Variants in LRRC4C observed in about 807,000 individuals in gnomAD.
LRRC4C encodes leucine rich repeat containing 4C.
A neutral mutation model predicts 33.6 loss-of-function variants in LRRC4C; 5 were observed. The ratio of observed to expected loss-of-function variants is 0.15; its 90% CI spans 0.08 to 0.31. LRRC4C has a LOEUF of 0.31. Among genes scored for constraint, LRRC4C ranks in the 10% least tolerant of loss-of-function variants. The pLI is 1.00. For missense variants in LRRC4C, 560 were observed against 796.7 expected (o/e 0.70, Z 3.58); for synonymous variants, 329 against 302.0 (o/e 1.09, Z -0.93).
At chr11:41,210,725 C>T (rs2136313690) in intron 1 of LRRC4C, among the ~76,000 whole-genome samples, 1 of 152,232 alleles carries the variant, frequency 6.6e-6, no homozygotes, top group South Asian at 2.1e-4. Flanking sequence ...AAACAGAAGC[C>T]AAAGAGCTTC....
chr11:40,357,558 C>T (rs529156140), intron 3 of LRRC4C, among the ~76,000 whole-genome samples: 1 of 152,156 alleles, frequency 6.6e-6, no homozygotes, highest in Non-Finnish European at 1.5e-5. Flanking sequence ...GTAGTTGTTG[C>T]TCTTGCTTCT....
chr11:41,116,665 C>T (rs1339200342), intron 1 of LRRC4C, among the ~76,000 whole-genome samples: 2 of 151,982 alleles, frequency 1.3e-5, no homozygotes, highest in African/African-American at 2.4e-5. Context: ...AAGTGAGTTG[C>T]TAAAACCAAT....
intron 2 of LRRC4C, among the ~76,000 whole-genome samples, chr11:40,716,058 A>C (rs1946696567): frequency 6.6e-6 from 1 of 152,064 alleles, no homozygotes; most frequent in African/African-American, 2.4e-5. Flanking sequence ...ACAAAAAAAA[A>C]ACAAAACCCA....
chr11:40,498,102 G>A (rs1325071333), intron 3 of LRRC4C, among the ~76,000 whole-genome samples: 1 of 152,122 alleles, frequency 6.6e-6, no homozygotes, highest in East Asian at 1.9e-4. Context: ...AGTTACTTGA[G>A]TGGTTATAGA....
rs148048977 is a variant in LRRC4C, at chr11:40,339,345, G to A, written c.-269-19624C>T. ...GGGTTATAGAATAAAAAAACACCTC[G>A]AACTCCATATGTGTTAGTGAAAGTG... On this transcript the variant is annotated intron_variant, in intron 3 of 6. Transcript: ENST00000528697. Among the ~76,000 whole-genome samples, 50 of 152,180 alleles carry A rather than the reference G, an allele frequency of 3.3e-4. 2 individuals carry two copies. The highest frequency in any genetic ancestry group is 1.1e-3 in the African/African-American group (44 of 41,544).
At chr11:40,911,142 G>A (rs1339394021) in intron 2 of LRRC4C, among the ~76,000 whole-genome samples, 1 of 152,210 alleles carries the variant, frequency 6.6e-6, no homozygotes, top group African/African-American at 2.4e-5. Flanking sequence ...CAAACAAAAG[G>A]CAGCAGAAAC....
intron 5 of LRRC4C, among the ~76,000 whole-genome samples, chr11:40,224,522 A>T (rs938020659): frequency 3.9e-5 from 6 of 152,262 alleles, no homozygotes; most frequent in Non-Finnish European, 7.3e-5. Context: ...CACAATCTTT[A>T]GACTCAAGAT....
chr11:40,765,661 A>G (rs926569535), intron 2 of LRRC4C, among the ~76,000 whole-genome samples: 2 of 152,076 alleles, frequency 1.3e-5, no homozygotes, highest in African/African-American at 2.4e-5. Context: ...CTAAAATTCT[A>G]CAGCTGAAAA....
chr11:40,187,126 T>A (rs1170075377), intron 5 of LRRC4C, among the ~76,000 whole-genome samples: 3 of 152,036 alleles, frequency 2.0e-5, no homozygotes, highest in Non-Finnish European at 4.4e-5. Context: ...AGAATAAATT[T>A]CAACCACTCA....
intron 1 of LRRC4C, among the ~76,000 whole-genome samples, chr11:41,407,982 G>A (rs1420440530): frequency 6.6e-6 from 1 of 152,106 alleles, no homozygotes; most frequent in Non-Finnish European, 1.5e-5. Flanking sequence ...GTCCAGATTG[G>A]GAAAGAGAAG....
In LRRC4C at chr11:40,495,813, G is replaced by GTTTTTTTTTTTTTTTTTTTTTTT. The variant is rs77683172; in HGVS notation, c.-270+152306_-270+152328dup. On this transcript the variant is annotated intron_variant, in intron 3 of 6. Transcript: ENST00000528697. ...TTTTATTGAAGTTCTCAATAAACAT[G>GTTTTTTTTTTTTTTTTTTTTTTT]TTTTTTTTTTTTTTTTTTTTTTTTT... 7.5e-5 allele frequency among the ~76,000 whole-genome samples: 5 copies of GTTTTTTTTTTTTTTTTTTTTTTT among 67,014 alleles called. 1 individual carries two copies. Among genetic ancestry groups the GTTTTTTTTTTTTTTTTTTTTTTT allele is most frequent in the Admixed American group, 1.8e-4 (1 of 5,414 alleles). The allele number at this position is 67,014 out of a possible 152,430, so 44.0% of individuals were successfully genotyped here.
chr11:40,688,369 A>G (rs1005389169), intron 2 of LRRC4C, among the ~76,000 whole-genome samples: 12 of 152,146 alleles, frequency 7.9e-5, no homozygotes, highest in African/African-American at 2.7e-4. Flanking sequence ...CAAACTTCTA[A>G]AGAACAAGAA....
At chr11:41,077,624 C>T (rs1423012386) in intron 1 of LRRC4C, among the ~76,000 whole-genome samples, 1 of 152,146 alleles carries the variant, frequency 6.6e-6, no homozygotes, top group African/African-American at 2.4e-5. Flanking sequence ...AACAAATTTT[C>T]CTTCTTACAC....
chr11:40,665,108 A>G (rs541183703), intron 2 of LRRC4C, among the ~76,000 whole-genome samples: 2 of 151,222 alleles, frequency 1.3e-5, no homozygotes, highest in South Asian at 4.2e-4. Context: ...GATACTTTCA[A>G]CCTCATTTAA....
At chr11:40,928,613 C>A (rs1207542066) in intron 2 of LRRC4C, among the ~76,000 whole-genome samples, 1 of 152,048 alleles carries the variant, frequency 6.6e-6, no homozygotes, top group African/African-American at 2.4e-5. Flanking sequence ...AGGCCACAGT[C>A]CAGTCATAGT....
chr11:40,941,109 A>G (rs987160739), intron 1 of LRRC4C, among the ~76,000 whole-genome samples: 2 of 152,092 alleles, frequency 1.3e-5, no homozygotes, highest in African/African-American at 4.8e-5. Flanking sequence ...TTGTTAAACC[A>G]GTGTAATTTT....
intron 1 of LRRC4C, among the ~76,000 whole-genome samples, chr11:41,149,351 C>CA (rs1263594654): frequency 6.6e-6 from 1 of 151,542 alleles, no homozygotes. Context: ...ACTAGAAATA[C>CA]AAAAAATTAG....
At chr11:40,450,679 C>T (rs1951842221) in intron 3 of LRRC4C, among the ~76,000 whole-genome samples, 1 of 151,242 alleles carries the variant, frequency 6.6e-6, no homozygotes, top group Non-Finnish European at 1.5e-5. Context: ...AGTTATAAGG[C>T]CTTAAAACAT....
At chr11:41,231,294 G>A (rs902696823) in intron 1 of LRRC4C, among the ~76,000 whole-genome samples, 23 of 151,980 alleles carry the variant, frequency 1.5e-4, no homozygotes, top group African/African-American at 5.6e-4. Flanking sequence ...AAATCATGCT[G>A]CTATAAAGAC....
Sources: allele counts gnomAD v4.1 joint callset (sites outside exome capture counted in the v4.1 genomes callset), GRCh38; gene constraint gnomAD v4.1.1; transcripts MANE v1.5; gene names NCBI Gene and HGNC (gene_info 2026-07-23, HGNC 2026-07-21).